Variants in RPS6KC1 observed in about 807,000 individuals in gnomAD.
RPS6KC1 encodes the protein ribosomal protein S6 kinase C1.
RPS6KC1 carries 54 observed loss-of-function variants against 103.8 expected under a neutral mutation model. The ratio of observed to expected loss-of-function variants is 0.52; its 90% CI spans 0.42 to 0.65. The LOEUF is 0.65. RPS6KC1 is among the 30% of genes least tolerant of loss of function. The pLI, the probability that RPS6KC1 is intolerant of heterozygous loss-of-function variation, is 0.00. For synonymous variants in RPS6KC1, 439 were observed against 438.7 expected (o/e 1.00, Z -0.01); for missense variants, 1,151 against 1,253.8 (o/e 0.92, Z 1.24).
chr1:213,523,862 G>A, the RPS6KC1 span, among the ~76,000 whole-genome samples: 2 of 152,182 alleles, frequency 1.3e-5, no homozygotes, highest in Admixed American at 6.5e-5. Flanking sequence ...GGTTGGAGCT[G>A]AGAACTGAGA....
chr1:213,754,802 A>C, the RPS6KC1 span, among the ~76,000 whole-genome samples: 2 of 152,196 alleles, frequency 1.3e-5, no homozygotes, highest in East Asian at 3.8e-4. Context: ...ATACTATCCC[A>C]TTGGGCATCA....
At chr1:213,827,897 C>T in the RPS6KC1 span, among the ~76,000 whole-genome samples, 6 of 152,034 alleles carry the variant, frequency 3.9e-5, no homozygotes, top group Non-Finnish European at 8.8e-5. Context: ...TTTATTTTTA[C>T]TGGAGTATAA....
chr1:213,486,395 T>C, the RPS6KC1 span, among the ~76,000 whole-genome samples: 7 of 152,282 alleles, frequency 4.6e-5, no homozygotes, highest in African/African-American at 1.7e-4. Flanking sequence ...CCAGTTTAAT[T>C]TGGCTTGATT....
At chr1:213,603,610 CTCACTT>C in the RPS6KC1 span, among the ~76,000 whole-genome samples, 1 of 151,658 alleles carries the variant, frequency 6.6e-6, no homozygotes, top group Non-Finnish European at 1.5e-5. Context: ...CTGTAATCCT[CTCACTT>C]TGGGAGTCTG....
intron 8 of RPS6KC1, among the ~76,000 whole-genome samples, chr1:213,181,865 A>C (rs6666186): frequency 0.16 from 24,294 of 152,212 alleles, 5,161 homozygotes; most frequent in African/African-American, 0.49. Context: ...GAAACAATAC[A>C]TGCAAGAATC....
the RPS6KC1 span, among the ~76,000 whole-genome samples, chr1:213,644,824 T>C: frequency 2.0e-5 from 3 of 152,210 alleles, no homozygotes; most frequent in African/African-American, 7.2e-5. Flanking sequence ...GTTTTTAAGA[T>C]CTTTTTACTC....
the RPS6KC1 span, among the ~76,000 whole-genome samples, chr1:213,816,543 A>C: frequency 6.6e-6 from 1 of 152,146 alleles, no homozygotes; most frequent in Non-Finnish European, 1.5e-5. Flanking sequence ...CAGTGGTCAG[A>C]TGACACAGAG....
rs1413187564 is a variant in RPS6KC1, at chr1:213,060,007, G to A, written c.105+8498G>A. Reference sequence around the variant, plus strand: ...ATTTTTTTGTATTTTTAGTTGAGACGGGGTTTTGCCATGTTGGCCAGGCTG... The same window carrying A: ...ATTTTTTTGTATTTTTAGTTGAGACAGGGTTTTGCCATGTTGGCCAGGCTG... On this transcript the variant is annotated intron_variant, in intron 1 of 14. Transcript: ENST00000366960. 3.9e-5 allele frequency among the ~76,000 whole-genome samples: 6 copies of A among 152,174 alleles called. No homozygotes were observed. The East Asian group carries it at 9.7e-4, about 25-fold the overall frequency.
chr1:213,400,909 GT>G, the RPS6KC1 span, among the ~76,000 whole-genome samples: 2 of 152,120 alleles, frequency 1.3e-5, no homozygotes, highest in African/African-American at 4.8e-5. Context: ...GTTTCACCAA[GT>G]TGGCCAGGCT....
At chr1:213,665,720 G>A in the RPS6KC1 span, among the ~76,000 whole-genome samples, 1 of 152,140 alleles carries the variant, frequency 6.6e-6, no homozygotes, top group Non-Finnish European at 1.5e-5. Flanking sequence ...GTGAACAATG[G>A]TATAGGTACA....
chr1:213,519,281 A>G, the RPS6KC1 span, among the ~76,000 whole-genome samples: 3 of 152,172 alleles, frequency 2.0e-5, no homozygotes, highest in East Asian at 5.8e-4. Flanking sequence ...ATATACACAA[A>G]GATAAGAACC....
intron 3 of RPS6KC1, among the ~76,000 whole-genome samples, chr1:213,097,091 C>T (rs2081526966): frequency 6.6e-6 from 1 of 152,214 alleles, no homozygotes. Context: ...CACAGTGGCT[C>T]ATACCTGTAA....
the RPS6KC1 span, among the ~76,000 whole-genome samples, chr1:213,688,441 G>A: frequency 6.6e-6 from 1 of 152,258 alleles, no homozygotes; most frequent in African/African-American, 2.4e-5. Context: ...CCACAGCTGG[G>A]AACAGTCCAG....
At chr1:213,631,040 G>A in the RPS6KC1 span, among the ~76,000 whole-genome samples, 12 of 152,268 alleles carry the variant, frequency 7.9e-5, no homozygotes, top group South Asian at 4.2e-4. Context: ...CTGGTGTGCC[G>A]TTTGCTAAGA....
chr1:213,836,761 T>G, the RPS6KC1 span, among the ~76,000 whole-genome samples: 3 of 152,202 alleles, frequency 2.0e-5, no homozygotes, highest in Non-Finnish European at 4.4e-5. Context: ...TCTATCCAAC[T>G]CTATTTGGCT....
rs533903526 is a variant in RPS6KC1, at chr1:213,073,221, T to C, written c.141+2180T>C. 6.6e-5 allele frequency among the ~76,000 whole-genome samples: 10 copies of C among 152,344 alleles called. 1 individual carries two copies. The South Asian group carries it at 2.1e-3, about 32-fold the overall frequency. On this transcript the variant is annotated intron_variant, in intron 2 of 14. Transcript: ENST00000366960. ...TTCACTTTCCCTCTCCATTAACTTATTCATTTGTTACTGCTTTAGACTATA... is the reference window on the plus strand; with the variant it reads ...TTCACTTTCCCTCTCCATTAACTTACTCATTTGTTACTGCTTTAGACTATA...
At chr1:213,602,120 C>CTCTT in the RPS6KC1 span, among the ~76,000 whole-genome samples, 87 of 5,114 alleles carry the variant, frequency 0.017, 5 homozygotes, top group African/African-American at 0.02. Flanking sequence ...TTCTTTCTTT[C>CTCTT]TCTTTCTTTC....
rs1321494480 is a variant in RPS6KC1 at position 213,241,571 on chromosome 1, T to C, written c.2095T>C (p.Leu699=). ...TCTTCTTGTAAATTTACCTGGTGAA[T>C]TGGAGTCAACAAGAGAAGCTGCAGC... ...PDLLVNLPGE[L]ESTREAAAMG... is the part of the protein sequence containing the mutation. The change falls in exon 11 of 15, where the codon TTG becomes CTG. Residue 699 remains leucine, a synonymous_variant. Coordinates refer to ENST00000366960, the MANE Select transcript of RPS6KC1 (RefSeq NM_012424.6). 1 of 1,613,942 alleles carries C rather than the reference T, an allele frequency of 6.2e-7. No individual in the cohort carries two copies. The highest frequency in any genetic ancestry group is 1.7e-5 in the Admixed American group (1 of 59,950).
At chr1:213,251,464 A>C (rs1382303353) in intron 12 of RPS6KC1, among the ~76,000 whole-genome samples, 1 of 152,140 alleles carries the variant, frequency 6.6e-6, no homozygotes, top group African/African-American at 2.4e-5. Flanking sequence ...TGTACCTTCC[A>C]GAGGCAGTCA....
Sources: gnomAD v4.1 joint callset for allele counts (sites outside exome capture counted in the v4.1 genomes callset) on GRCh38, gnomAD v4.1.1 for gene constraint, MANE v1.5 for transcripts, NCBI Gene and HGNC (gene_info 2026-07-23, HGNC 2026-07-21) for gene names.